The following CETP variants were observed in gnomAD, a reference collection of about 807,000 sequenced individuals.
The protein encoded by CETP is cholesteryl ester transfer protein, also known as BPI fold containing family F.
CETP carries 56 observed loss-of-function variants against 66.5 expected under a neutral mutation model. The ratio of observed to expected loss-of-function variants is 0.84; its 90% CI spans 0.68 to 1.05. The LOEUF (loss-of-function observed/expected upper bound fraction) is 1.05, where lower values mean the gene tolerates loss of function less well. CETP is among the 50% of genes least tolerant of loss of function. The pLI is 0.00. For missense variants in CETP, 612 were observed against 609.6 expected, an observed-to-expected ratio of 1.00 and a Z score of -0.04; for synonymous variants, 251 against 245.7, an observed-to-expected ratio of 1.02 and a Z score of -0.20.
rs1418020592 is a variant in CETP at position 56,981,497 on chromosome 16, C to A, written c.1215-150C>A. ...GCCTGGCCGCCAGAATAGCAAATCT[C>A]AAGGGAATAGCAAATCTCAAGAGAG... On this transcript the variant is annotated intron_variant, in intron 12 of 15. Transcript: ENST00000200676. The A allele has an allele frequency of 2.9e-6, 3 of 1,021,422 alleles. No homozygotes were observed. The East Asian group carries it at 7.2e-5, about 24-fold the overall frequency. 63.3% of individuals were successfully genotyped at this position (1,021,422 alleles called of 1,614,324 possible).
At chr16:56,980,971 A>T (rs1169826606) in intron 11 of CETP, among the ~76,000 whole-genome samples, 187 bp from the exon 12 acceptor site, 2 of 152,194 alleles carry the variant, frequency 1.3e-5, no homozygotes, top group Non-Finnish European at 2.9e-5. Context: ...TCAGGTCCTA[A>T]CCCCAAAGCC....
At chr16:56,978,805 TTTTA>T (rs563288582) in intron 11 of CETP, among the ~76,000 whole-genome samples, 88 of 152,080 alleles carry the variant, frequency 5.8e-4, no homozygotes, top group African/African-American at 2.0e-3. Flanking sequence ...TCATTCTTAT[TTTTA>T]TTTATTATTT....
At chr16:56,974,208 A>G (rs988539554) in intron 9 of CETP, among the ~76,000 whole-genome samples, 2 of 152,198 alleles carry the variant, frequency 1.3e-5, no homozygotes, top group East Asian at 3.8e-4. Flanking sequence ...TCTCTCAGAG[A>G]CAGGAGGGTC....
intron 10 of CETP, among the ~76,000 whole-genome samples, chr16:56,976,283 G>C (rs926355076): frequency 6.6e-6 from 1 of 152,044 alleles, no homozygotes; most frequent in African/African-American, 2.4e-5. Flanking sequence ...AAATAAAACT[G>C]GTCATTCACC....
chr16:56,964,390 T>G (rs1270434268), intron 2 of CETP, among the ~76,000 whole-genome samples: 2 of 152,188 alleles, frequency 1.3e-5, no homozygotes, highest in Non-Finnish European at 2.9e-5. Flanking sequence ...ATCGCCCGGA[T>G]GACCCTGCTT....
chr16:56,964,585 C>G (rs2056052113), intron 2 of CETP, among the ~76,000 whole-genome samples: 1 of 152,200 alleles, frequency 6.6e-6, no homozygotes, highest in African/African-American at 2.4e-5. Context: ...GGGACCTTGT[C>G]TTTGTCTTAA....
chr16:56,973,187 TG>T, intron 8 of CETP, 143 bp from the exon 9 acceptor site: 1 of 822,974 alleles, frequency 1.2e-6, no homozygotes, highest in Non-Finnish European at 2.0e-6. Flanking sequence ...AAAGCCCCGC[TG>T]GGGGAAACTG....
intron 10 of CETP, among the ~76,000 whole-genome samples, chr16:56,975,654 G>T (rs116578082): frequency 4.0e-4 from 61 of 152,272 alleles, no homozygotes; most frequent in African/African-American, 1.4e-3. Flanking sequence ...TCAGTGCAGG[G>T]TTCCACTAAG....
At chr16:56,969,813 G>T (rs1271151498) in intron 4 of CETP, 101 bp from the exon 5 acceptor site, 9 of 1,533,050 alleles carry the variant, frequency 5.9e-6, no homozygotes, top group East Asian at 2.3e-5. Context: ...TTGCAGGGGT[G>T]GGGACCCCAG....
chr16:56,974,112 G>A (rs959882803), intron 9 of CETP, among the ~76,000 whole-genome samples: 1 of 152,126 alleles, frequency 6.6e-6, no homozygotes, highest in Non-Finnish European at 1.5e-5. Context: ...GTCTCTAGGC[G>A]TTGGGCTACC....
At position 56,973,383 on chromosome 16, in the gene CETP, C is replaced by G; in HGVS notation, c.803C>G (p.Ser268Trp). Residue 268 changes from serine to tryptophan, a missense_variant, in exon 9 of 16, where the codon TCG becomes TGG. Transcript: ENST00000200676. The part of the protein sequence containing the change: ...VSEDLPLPTF[S>W]PTLLGDSRML... ...GAGGACCTCCCCCTCCCCACCTTCT[C>G]GCCCACACTGCTGGGGGACTCCCGC... The G allele has an allele frequency of 1.2e-6, 2 of 1,614,212 alleles. No homozygotes were observed. Among genetic ancestry groups the G allele is most frequent in the South Asian group, 2.2e-5 (2 of 91,086 alleles).
At chr16:56,974,135 C>T (rs543422266) in intron 9 of CETP, among the ~76,000 whole-genome samples, 3 of 152,200 alleles carry the variant, frequency 2.0e-5, no homozygotes, top group South Asian at 4.1e-4. Flanking sequence ...CCTTTAGTTT[C>T]GCTTCTCTTT....
At position 56,972,019 on chromosome 16, in the gene CETP, G is replaced by A. The variant is rs1334967081; in HGVS notation, c.686G>A (p.Gly229Glu). The change falls in exon 8 of 16, where the codon GGG becomes GAG. Residue 229 changes from glycine (G) to glutamate (E), a missense_variant. Transcript: ENST00000200676. Reference protein sequence around the residue: ...AASILSDGDIGVDISLTGDPV... With the variant: ...AASILSDGDIEVDISLTGDPV... ...AGCATCCTTTCAGATGGAGACATTG[G>A]GGTGGACATTTCCCTGACAGGTGAT... The A allele has an allele frequency of 6.2e-7, 1 of 1,614,066 alleles. No homozygotes were observed. Among genetic ancestry groups the A allele is most frequent in the Non-Finnish European group, 8.5e-7 (1 of 1,179,996 alleles).
At chr16:56,963,883 GGT>G (rs1332549313) in intron 2 of CETP, among the ~76,000 whole-genome samples, 3 of 152,080 alleles carry the variant, frequency 2.0e-5, no homozygotes, top group African/African-American at 7.2e-5. Flanking sequence ...TGGCCAGACT[GGT>G]CTCCAACTCC....
At chr16:56,980,349 T>C (rs2056179051) in intron 11 of CETP, among the ~76,000 whole-genome samples, 1 of 152,200 alleles carries the variant, frequency 6.6e-6, no homozygotes, top group Admixed American at 6.5e-5. Context: ...CCACGTATTT[T>C]TTTGTAGAGA....
At chr16:56,969,166 G>C (rs2056089410) in intron 2 of CETP, among the ~76,000 whole-genome samples, 5 of 151,958 alleles carry the variant, frequency 3.3e-5, no homozygotes, top group Admixed American at 2.6e-4. Context: ...CCTACCCCAA[G>C]GTCCTTAACT....
intron 10 of CETP, among the ~76,000 whole-genome samples, chr16:56,975,893 G>A (rs1190909785): frequency 6.6e-6 from 1 of 152,084 alleles, no homozygotes. Flanking sequence ...CCCCCACGTC[G>A]CTGCTCCCAG....
At position 56,971,434 on chromosome 16, in the gene CETP, GC is replaced by G; in HGVS notation, c.658+55del. ...AGAAGACAGCAGTGGGAGCCAGAAA[GC>G]CACCTGCTGCACTATGTGGCCTTGG... On this transcript the variant is annotated intron_variant, in intron 7 of 15. Transcript: ENST00000200676. 15 of 1,496,866 alleles carry G rather than the reference GC, an allele frequency of 1.0e-5. No individual in the cohort carries two copies. In the South Asian group the frequency reaches 1.1e-4, roughly 11 times the overall value. 92.7% of individuals were successfully genotyped at this position (1,496,866 alleles called of 1,614,324 possible).
At chr16:56,970,808 C>T (rs1395527008) in intron 5 of CETP, among the ~76,000 whole-genome samples, 1 of 152,198 alleles carries the variant, frequency 6.6e-6, no homozygotes, top group Admixed American at 6.5e-5. Flanking sequence ...CAGGTGTGAG[C>T]GTCACAGGAG....
Sources: allele counts gnomAD v4.1 joint callset (sites outside exome capture counted in the v4.1 genomes callset), GRCh38; gene constraint gnomAD v4.1.1; transcripts MANE v1.5; gene names NCBI Gene and HGNC (gene_info 2026-07-23, HGNC 2026-07-21).